Variants in RANBP2 observed in about 807,000 individuals in gnomAD.
The protein encoded by RANBP2 is RAN binding protein 2.
A neutral mutation model predicts 303.6 loss-of-function variants in RANBP2; 57 were observed. That is an observed-to-expected ratio of 0.19 (90% confidence interval 0.15 to 0.23). The LOEUF (loss-of-function observed/expected upper bound fraction) is 0.23. RANBP2 is among the 10% of genes least tolerant of loss of function. The pLI is 1.00. For synonymous variants in RANBP2, 1,167 were observed against 1,301.5 expected, an observed-to-expected ratio of 0.90 and a Z score of 2.23; for missense variants, 3,138 against 3,780.8, an observed-to-expected ratio of 0.83 and a Z score of 4.46.
the RANBP2 span, among the ~76,000 whole-genome samples, chr2:109,034,299 A>G: frequency 7.4e-6 from 1 of 135,500 alleles, no homozygotes. Context: ...AAAAAAAAGG[A>G]AGGTTCAAAC....
the RANBP2 span, among the ~76,000 whole-genome samples, chr2:109,038,026 C>T: frequency 6.8e-3 from 1,035 of 152,270 alleles, 6 homozygotes; most frequent in East Asian, 0.035. Flanking sequence ...GTAGGAGGAG[C>T]CAGTCTATCT....
At chr2:108,918,971 G>C in the RANBP2 span, among the ~76,000 whole-genome samples, 1 of 152,190 alleles carries the variant, frequency 6.6e-6, no homozygotes, top group Admixed American at 6.5e-5. Flanking sequence ...AGACTCTCTA[G>C]CTGCTCAAAG....
the RANBP2 span, among the ~76,000 whole-genome samples, chr2:109,511,593 G>T: frequency 1.3e-5 from 2 of 152,204 alleles, no homozygotes; most frequent in Non-Finnish European, 2.9e-5. Context: ...ACCTGCAGAA[G>T]GTGGGAGCCT....
chr2:109,553,283 G>A, the RANBP2 span: 9 of 1,561,230 alleles, frequency 5.8e-6, no homozygotes, highest in East Asian at 2.3e-5. Flanking sequence ...GGCGGCTCAC[G>A]CCTGTAATCC....
At chr2:108,758,658 T>C in intron 18 of RANBP2, 110 bp downstream of exon 18, 1 of 1,561,838 alleles carries the variant, frequency 6.4e-7, no homozygotes, top group Non-Finnish European at 8.7e-7. Flanking sequence ...TTAATATACA[T>C]GTCAACGTCT....
chr2:108,720,784 G>A (rs891913057), intron 1 of RANBP2, among the ~76,000 whole-genome samples: 1 of 152,182 alleles, frequency 6.6e-6, no homozygotes, highest in Non-Finnish European at 1.5e-5. Flanking sequence ...AGTGGCTCAC[G>A]CCTGTAATCC....
intron 19 of RANBP2, 78 bp from the exon 20 acceptor site, chr2:108,763,159 T>G: frequency 1.4e-6 from 2 of 1,456,960 alleles, no homozygotes; most frequent in Non-Finnish European, 1.9e-6. Context: ...TGTTTGAAGT[T>G]TGTGAGAATT....
At chr2:109,764,843 T>C in the RANBP2 span, among the ~76,000 whole-genome samples, 3 of 122,466 alleles carry the variant, frequency 2.4e-5, no homozygotes, top group Non-Finnish European at 4.9e-5. Flanking sequence ...TGGAATTACC[T>C]ATACTGTCTC....
At chr2:109,517,262 A>G in the RANBP2 span, among the ~76,000 whole-genome samples, 1 of 151,336 alleles carries the variant, frequency 6.6e-6, no homozygotes, top group Non-Finnish European at 1.5e-5. Flanking sequence ...GCCATCGCCC[A>G]TGACTTCAGT....
At chr2:109,172,271 A>G in the RANBP2 span, among the ~76,000 whole-genome samples, 1 of 152,162 alleles carries the variant, frequency 6.6e-6, no homozygotes, top group Admixed American at 6.5e-5. Context: ...TGTGGGCAAC[A>G]GCTGCGTGTG....
the RANBP2 span, among the ~76,000 whole-genome samples, chr2:109,376,235 G>A: frequency 6.6e-6 from 1 of 152,274 alleles, no homozygotes; most frequent in Admixed American, 6.5e-5. Context: ...AGGCAGGGCA[G>A]TTTCCTGCCT....
At chr2:108,867,481 A>G in the RANBP2 span, among the ~76,000 whole-genome samples, 1 of 152,218 alleles carries the variant, frequency 6.6e-6, no homozygotes, top group Non-Finnish European at 1.5e-5. Context: ...TTAGTTACGA[A>G]TATGGATTAC....
the RANBP2 span, among the ~76,000 whole-genome samples, chr2:109,646,988 T>C: frequency 6.6e-6 from 1 of 152,200 alleles, no homozygotes; most frequent in Admixed American, 6.5e-5. Context: ...CAATGTTCTA[T>C]GGAAGTTTTT....
At chr2:109,205,796 G>A in the RANBP2 span, among the ~76,000 whole-genome samples, 2 of 152,180 alleles carry the variant, frequency 1.3e-5, no homozygotes, top group South Asian at 4.1e-4. Context: ...GCAGCGGGGG[G>A]ATCAGAGACA....
chr2:108,724,694 A>G (rs1694549730), intron 1 of RANBP2, among the ~76,000 whole-genome samples: 1 of 151,320 alleles, frequency 6.6e-6, no homozygotes, highest in Admixed American at 6.6e-5. Flanking sequence ...TTTTTCTCTT[A>G]TTCTCCTCTT....
At chr2:109,249,486 T>C in the RANBP2 span, among the ~76,000 whole-genome samples, 2 of 21,098 alleles carry the variant, frequency 9.5e-5, no homozygotes, top group African/African-American at 4.2e-4. Flanking sequence ...TCTTTCTTTC[T>C]TTCTTTCTTT....
the RANBP2 span, chr2:109,618,688 G>A: frequency 1.2e-5 from 2 of 166,874 alleles, no homozygotes; most frequent in Non-Finnish European, 2.9e-5. Context: ...ACCTTTAATG[G>A]AAAAATACAT....
chr2:109,216,619 T>C, the RANBP2 span, among the ~76,000 whole-genome samples: 1 of 152,188 alleles, frequency 6.6e-6, no homozygotes, highest in Non-Finnish European at 1.5e-5. Context: ...CCAGCCATGC[T>C]CTGTAGGCTG....
chr2:108,846,982 C>A, the RANBP2 span: 1 of 994,318 alleles, frequency 1.0e-6, no homozygotes, highest in East Asian at 2.4e-5. Flanking sequence ...TAGAGAATAT[C>A]ATATATTAAA....
Sources: gnomAD v4.1 joint callset for allele counts (sites outside exome capture counted in the v4.1 genomes callset) on GRCh38, gnomAD v4.1.1 for gene constraint, MANE v1.5 for transcripts, NCBI Gene and HGNC (gene_info 2026-07-23, HGNC 2026-07-21) for gene names.